The following SNTB1 variants were observed in gnomAD, a reference collection of about 807,000 sequenced individuals.
SNTB1 encodes beta-1-syntrophin.
Under a neutral mutation model 48.9 loss-of-function variants are expected in SNTB1, and 36 were observed. The observed-to-expected ratio is 0.74, with a 90% CI of 0.56 to 0.97. SNTB1 has a LOEUF of 0.97. SNTB1 is among the 50% of genes least tolerant of loss of function. The pLI is 0.00. For synonymous variants in SNTB1, 299 were observed against 294.6 expected, an observed-to-expected ratio of 1.01 and a Z score of -0.15; for missense variants, 786 against 703.4, an observed-to-expected ratio of 1.12 and a Z score of -1.33.
At chr8:120,610,624 A>G (rs1203057010) in intron 3 of SNTB1, among the ~76,000 whole-genome samples, 1 of 152,132 alleles carries the variant, frequency 6.6e-6, no homozygotes, top group Non-Finnish European at 1.5e-5. Flanking sequence ...AGAAAAGTAC[A>G]CTTGGAAGAG....
chr8:120,781,965 C>T (rs763634758), intron 1 of SNTB1, among the ~76,000 whole-genome samples: 21 of 152,164 alleles, frequency 1.4e-4, no homozygotes, highest in Non-Finnish European at 2.6e-4. Context: ...GTATCACAAG[C>T]CAAGTGGCTT....
chr8:120,592,057 T>G lies in SNTB1; in HGVS notation c.997-16832A>C, dbSNP rs1816247392. 3.3e-5 allele frequency among the ~76,000 whole-genome samples: 5 copies of G among 152,208 alleles called. No homozygotes were observed. In the South Asian group the frequency reaches 1.0e-3, roughly 32 times the overall value. ...AATTATATACAGTTGATCCCATTCA[T>G]GAAGAAAGCTAAATCACCTATGAAA... On this transcript the variant is annotated intron_variant, in intron 3 of 6. Coordinates refer to ENST00000517992, the MANE Select transcript of SNTB1 (RefSeq NM_021021.4).
At chr8:120,649,707 T>C (rs1262664696) in intron 2 of SNTB1, among the ~76,000 whole-genome samples, 1 of 151,918 alleles carries the variant, frequency 6.6e-6, no homozygotes, top group Non-Finnish European at 1.5e-5. Flanking sequence ...AGTTCGAGCT[T>C]CCCGGCTGCT....
intron 1 of SNTB1, among the ~76,000 whole-genome samples, chr8:120,766,687 G>C (rs535265601): frequency 1.6e-4 from 24 of 152,236 alleles, no homozygotes; most frequent in Non-Finnish European, 1.5e-5. Flanking sequence ...ACAAAATACT[G>C]TATAGCGCTA....
intron 2 of SNTB1, among the ~76,000 whole-genome samples, chr8:120,682,862 GT>G (rs1053196806): frequency 2.0e-5 from 3 of 148,784 alleles, no homozygotes; most frequent in Non-Finnish European, 4.5e-5. Context: ...AATACTCATA[GT>G]TTTTTGTTTG....
chr8:120,729,587 A>G (rs897794308), intron 1 of SNTB1, among the ~76,000 whole-genome samples: 4 of 152,222 alleles, frequency 2.6e-5, no homozygotes, highest in Admixed American at 2.6e-4. Flanking sequence ...TACTCCATGC[A>G]TGCATTGATT....
In SNTB1 at chr8:120,575,175, A is replaced by G. The variant is rs1437511875; in HGVS notation, c.1047T>C (p.Thr349=). ...KQWKPALVVL[T]EKDLLIYDSM... ...TGTCATAGATTAAAAGGTCTTTCTCAGTCAGCACAACCAGGGCTGGTTTCC... is the reference window on the plus strand; with the variant it reads ...TGTCATAGATTAAAAGGTCTTTCTCGGTCAGCACAACCAGGGCTGGTTTCC... Residue 349 remains threonine (T), a synonymous_variant, in exon 4 of 7, where the codon ACT becomes ACC. Transcript: ENST00000517992. 6.2e-7 allele frequency: 1 copy of G among 1,614,156 alleles called. No individual in the cohort carries two copies. The highest frequency in any genetic ancestry group is 1.3e-5 in the African/African-American group (1 of 75,032).
intron 1 of SNTB1, among the ~76,000 whole-genome samples, chr8:120,698,348 G>T (rs1370818137): frequency 6.6e-6 from 1 of 152,082 alleles, no homozygotes; most frequent in East Asian, 1.9e-4. Flanking sequence ...TCAATTTCAA[G>T]GAATTAAATG....
intron 4 of SNTB1, chr8:120,571,401 G>A (rs1453323737): frequency 8.3e-7 from 1 of 1,201,730 alleles, no homozygotes; most frequent in Non-Finnish European, 1.1e-6. Flanking sequence ...TAGCGATTGG[G>A]CCGAATTCTC....
chr8:120,749,864 T>C (rs1819182660), intron 1 of SNTB1, among the ~76,000 whole-genome samples: 1 of 152,152 alleles, frequency 6.6e-6, no homozygotes, highest in African/African-American at 2.4e-5. Flanking sequence ...GTCTAGATTC[T>C]GTTTCTTTTT....
chr8:120,718,829 C>G (rs537446503), intron 1 of SNTB1, among the ~76,000 whole-genome samples: 1 of 152,118 alleles, frequency 6.6e-6, no homozygotes, highest in Non-Finnish European at 1.5e-5. Context: ...CTATAAACTC[C>G]AAATGTTACA....
At chr8:120,718,923 G>T (rs187384859) in intron 1 of SNTB1, among the ~76,000 whole-genome samples, 4 of 152,178 alleles carry the variant, frequency 2.6e-5, no homozygotes, top group African/African-American at 9.7e-5. Flanking sequence ...GGTTCAGAGC[G>T]ACTGTGATAC....
At chr8:120,623,481 C>G (rs1015382171) in intron 3 of SNTB1, among the ~76,000 whole-genome samples, 8 of 152,212 alleles carry the variant, frequency 5.3e-5, no homozygotes, top group African/African-American at 1.7e-4. Flanking sequence ...GGAACCAGGG[C>G]ACACCTCATC....
intron 1 of SNTB1, among the ~76,000 whole-genome samples, chr8:120,742,538 T>C (rs1819057246): frequency 6.6e-6 from 1 of 152,204 alleles, no homozygotes; most frequent in Non-Finnish European, 1.5e-5. Flanking sequence ...AGCTCAGGAC[T>C]CCTTGCTGAG....
chr8:120,691,536 G>C (rs1818127538), intron 2 of SNTB1, among the ~76,000 whole-genome samples: 1 of 152,174 alleles, frequency 6.6e-6, no homozygotes, highest in East Asian at 1.9e-4. Context: ...GAAGGTAATA[G>C]AAATGATGAG....
Position 120,811,443 on chromosome 8 carries a change from T to C in SNTB1, c.401A>G (p.Lys134Arg). ...GATCTTGCTGATGAGGATGGGCATC[T>C]TGTTCTCCTTGCCCCCCTTGATGCT... ...GISIKGGKEN[K>R]MPILISKIFK... Residue 134 changes from lysine (K) to arginine (R), a missense_variant, in exon 1 of 7, where the codon AAG becomes AGG. Lys to Arg is a conservative substitution (Grantham distance 26, BLOSUM62 2). Coordinates refer to ENST00000517992, the MANE Select transcript of SNTB1 (RefSeq NM_021021.4). 2 of 1,613,998 alleles carry C rather than the reference T, an allele frequency of 1.2e-6. No homozygotes were observed. The highest frequency in any genetic ancestry group is 1.7e-6 in the Non-Finnish European group (2 of 1,179,878).
intron 1 of SNTB1, among the ~76,000 whole-genome samples, chr8:120,696,660 G>A (rs1818215530): frequency 6.6e-6 from 1 of 152,176 alleles, no homozygotes; most frequent in Admixed American, 6.5e-5. Context: ...AGAAAGAAAT[G>A]CCTTGTAGGG....
At chr8:120,546,174 T>C (rs1815377505) in intron 5 of SNTB1, among the ~76,000 whole-genome samples, 3 of 152,206 alleles carry the variant, frequency 2.0e-5, no homozygotes, top group African/African-American at 7.2e-5. Flanking sequence ...AAGTTAGATT[T>C]ACTGGAAGAC....
intron 1 of SNTB1, among the ~76,000 whole-genome samples, chr8:120,805,126 C>T (rs773420400): frequency 3.9e-5 from 6 of 152,008 alleles, no homozygotes; most frequent in Non-Finnish European, 7.4e-5. Flanking sequence ...AGAGAGGAAG[C>T]GATTATTTAT....
Sources: gnomAD v4.1 joint callset for allele counts (sites outside exome capture counted in the v4.1 genomes callset) on GRCh38, gnomAD v4.1.1 for gene constraint, MANE v1.5 for transcripts, NCBI Gene and HGNC (gene_info 2026-07-23, HGNC 2026-07-21) for gene names.